SCHIP1: variants seen among roughly 807,000 people sequenced by gnomAD.
SCHIP1 encodes the protein schwannomin interacting protein 1.
In SCHIP1, 8 loss-of-function variants were observed where a neutral mutation model predicts 29.7. The observed-to-expected ratio is 0.27, with a 90% CI of 0.16 to 0.49. SCHIP1 has a LOEUF of 0.49. Among genes scored for constraint, SCHIP1 ranks in the 20% least tolerant of loss-of-function variants. The probability of loss-of-function intolerance (pLI) is 0.99; values close to 1 mark genes in which losing one functional copy is unlikely to be tolerated. For synonymous variants in SCHIP1, 76 were observed against 94.9 expected (o/e 0.80, Z 1.16); for missense variants, 193 against 294.6 (o/e 0.66, Z 2.52).
At chr3:159,489,407 T>G in the SCHIP1 span, among the ~76,000 whole-genome samples, 1 of 152,234 alleles carries the variant, frequency 6.6e-6, no homozygotes, top group Non-Finnish European at 1.5e-5. Flanking sequence ...TATCCCTGAA[T>G]TTGTCTAGTA....
the SCHIP1 span, among the ~76,000 whole-genome samples, chr3:159,822,455 G>T: frequency 4.6e-5 from 7 of 151,666 alleles, no homozygotes; most frequent in South Asian, 2.1e-4. Flanking sequence ...AGAAGGGGAG[G>T]CTTGAAGATG....
chr3:159,775,631 C>T, the SCHIP1 span, among the ~76,000 whole-genome samples: 3 of 152,174 alleles, frequency 2.0e-5, no homozygotes, highest in African/African-American at 7.2e-5. Context: ...CTGCCAGGCC[C>T]ACTCTTGTAC....
At chr3:159,511,900 G>T in the SCHIP1 span, among the ~76,000 whole-genome samples, 1 of 152,090 alleles carries the variant, frequency 6.6e-6, no homozygotes, top group Non-Finnish European at 1.5e-5. Context: ...CTTTTATTAG[G>T]AAAGTGTAGT....
chr3:159,548,867 G>C, the SCHIP1 span, among the ~76,000 whole-genome samples: 1 of 152,026 alleles, frequency 6.6e-6, no homozygotes, highest in Admixed American at 6.6e-5. Context: ...CGACATCTGA[G>C]TTATCTCAGG....
chr3:159,437,624 A>C, the SCHIP1 span, among the ~76,000 whole-genome samples: 1 of 151,886 alleles, frequency 6.6e-6, no homozygotes, highest in Non-Finnish European at 1.5e-5. Flanking sequence ...ATTCATCTCC[A>C]TTCGTCTTTT....
chr3:159,576,376 T>C, the SCHIP1 span, among the ~76,000 whole-genome samples: 1 of 152,222 alleles, frequency 6.6e-6, no homozygotes, highest in African/African-American at 2.4e-5. Context: ...ATCAATCTAA[T>C]TGTTATTCCT....
the SCHIP1 span, among the ~76,000 whole-genome samples, chr3:159,718,875 A>C: frequency 6.6e-6 from 1 of 152,240 alleles, no homozygotes; most frequent in Non-Finnish European, 1.5e-5. Context: ...AGAATTGGAA[A>C]AAACTACTTT....
At chr3:159,348,613 C>T in the SCHIP1 span, among the ~76,000 whole-genome samples, 174 of 152,144 alleles carry the variant, frequency 1.1e-3, no homozygotes, top group Admixed American at 2.1e-3. Context: ...TAAAGTGATT[C>T]GATATTATAT....
At chr3:159,406,005 G>T in the SCHIP1 span, among the ~76,000 whole-genome samples, 20,981 of 151,638 alleles carry the variant, frequency 0.14, 1,685 homozygotes, top group African/African-American at 0.2. Flanking sequence ...CAGTTATTTA[G>T]ATTTAAATAC....
chr3:159,847,229 A>T (rs1040221570), intron 1 of SCHIP1, among the ~76,000 whole-genome samples: 1 of 152,280 alleles, frequency 6.6e-6, no homozygotes, highest in East Asian at 1.9e-4. Context: ...GAAAGTAGAG[A>T]CACCCTATTC....
the SCHIP1 span, among the ~76,000 whole-genome samples, chr3:159,461,947 T>C: frequency 6.6e-6 from 1 of 152,150 alleles, no homozygotes; most frequent in Non-Finnish European, 1.5e-5. Flanking sequence ...TGATGGCTCA[T>C]GCCTGTAATC....
At chr3:159,771,936 C>T in the SCHIP1 span, among the ~76,000 whole-genome samples, 1 of 152,092 alleles carries the variant, frequency 6.6e-6, no homozygotes. Context: ...TCAGGATGCA[C>T]ATCTAAAAAA....
the SCHIP1 span, among the ~76,000 whole-genome samples, chr3:159,505,243 G>A: frequency 3.3e-5 from 5 of 152,128 alleles, no homozygotes; most frequent in East Asian, 1.9e-4. Flanking sequence ...GTCAATGTAC[G>A]TCAGCCTGCT....
At chr3:159,677,011 G>A in the SCHIP1 span, among the ~76,000 whole-genome samples, 1 of 152,072 alleles carries the variant, frequency 6.6e-6, no homozygotes, top group Non-Finnish European at 1.5e-5. Context: ...TTAGACCCCT[G>A]CAAGTAAAGG....
At chr3:159,288,623 G>A in the SCHIP1 span, among the ~76,000 whole-genome samples, 2 of 152,218 alleles carry the variant, frequency 1.3e-5, no homozygotes, top group Non-Finnish European at 2.9e-5. Flanking sequence ...TATAATCCCA[G>A]CTACTCAGGA....
At chr3:159,690,221 G>C in the SCHIP1 span, among the ~76,000 whole-genome samples, 12 of 152,234 alleles carry the variant, frequency 7.9e-5, no homozygotes, top group African/African-American at 2.4e-4. Flanking sequence ...GAATCTGTAT[G>C]GTCCTGGACT....
chr3:159,601,992 G>T, the SCHIP1 span, among the ~76,000 whole-genome samples: 4 of 152,188 alleles, frequency 2.6e-5, no homozygotes, highest in East Asian at 7.7e-4. Flanking sequence ...ATAGGGGAGG[G>T]TGAGTAACCC....
At chr3:159,509,306 T>C in the SCHIP1 span, among the ~76,000 whole-genome samples, 2 of 152,208 alleles carry the variant, frequency 1.3e-5, no homozygotes, top group African/African-American at 4.8e-5. Flanking sequence ...CCTTTTTTTG[T>C]TTTCCATTTG....
the SCHIP1 span, among the ~76,000 whole-genome samples, chr3:159,508,399 G>T: frequency 1.3e-5 from 2 of 151,992 alleles, no homozygotes; most frequent in South Asian, 4.2e-4. Flanking sequence ...AAATTTTGTT[G>T]ATCTTTTCAA....
Sources: gnomAD v4.1 joint callset for allele counts (sites outside exome capture counted in the v4.1 genomes callset) on GRCh38, gnomAD v4.1.1 for gene constraint, MANE v1.5 for transcripts, NCBI Gene and HGNC (gene_info 2026-07-23, HGNC 2026-07-21) for gene names.